Variants in CENPI observed in about 807,000 individuals in gnomAD.
CENPI encodes the protein FSH primary response 1.
CENPI carries 4 observed loss-of-function variants against 60.4 expected under a neutral mutation model. The observed-to-expected ratio is 0.07, with a 90% CI of 0.03 to 0.15. CENPI has a LOEUF of 0.15. Ranked by LOEUF, CENPI falls within the 10% of genes least tolerant of loss-of-function variation. CENPI has a pLI of 1.00. For synonymous variants in CENPI, 157 were observed against 189.4 expected, an observed-to-expected ratio of 0.83 and a Z score of 1.40; for missense variants, 444 against 534.5, an observed-to-expected ratio of 0.83 and a Z score of 1.67.
intron 4 of CENPI, among the ~76,000 whole-genome samples, chrX:101,108,950 G>A (rs2089519297): frequency 6.3e-5 from 7 of 110,583 alleles, no homozygotes; most frequent in Admixed American, 5.9e-4. Context: ...CCTAACTATT[G>A]CCTTATTGTA....
the CENPI span, among the ~76,000 whole-genome samples, chrX:101,172,506 A>T: frequency 3.8e-4 from 42 of 111,620 alleles, 1 homozygote; most frequent in East Asian, 0.01. Flanking sequence ...CCTCAAAGAC[A>T]CTATGCTATA....
intron 20 of CENPI, among the ~76,000 whole-genome samples, chrX:101,154,804 G>A (rs2090038449): frequency 9.0e-6 from 1 of 110,996 alleles, no homozygotes; most frequent in Admixed American, 9.7e-5. Context: ...TTATTCCTAA[G>A]TACTGTGTTT....
At chrX:101,116,739 G>A (rs1045227660) in intron 6 of CENPI, among the ~76,000 whole-genome samples, 1 of 111,428 alleles carries the variant, frequency 9.0e-6, no homozygotes, top group Non-Finnish European at 1.9e-5. Context: ...TCTATGTTCA[G>A]CTTTTTGAGG....
rs2089668386 is a variant in CENPI, at chrX:101,120,718, C to CT, written c.641-17dup. On this transcript the variant is annotated intron_variant, in intron 7 of 21. Coordinates refer to ENST00000682095, the MANE Select transcript of CENPI (RefSeq NM_001386188.2). Reference sequence around the variant, plus strand: ...TTCTGAATCCAAATGCATAGTACGTCTTTCCTTTATGTTTTCTAGTCAAAC... The same window carrying CT: ...TTCTGAATCCAAATGCATAGTACGTCTTTTCCTTTATGTTTTCTAGTCAAAC... 2 of 1,198,923 alleles carry CT rather than the reference C, an allele frequency of 1.7e-6. No homozygotes were observed. The highest frequency in any genetic ancestry group is 2.3e-6 in the Non-Finnish European group (2 of 886,652).
chrX:101,107,672 A>AT (rs2089499204), intron 4 of CENPI, among the ~76,000 whole-genome samples: 1 of 100,747 alleles, frequency 9.9e-6, no homozygotes, highest in Non-Finnish European at 2.0e-5. Context: ...TCATTGTTTT[A>AT]TTTTTTTATT....
At chrX:101,179,989 C>G in the CENPI span, among the ~76,000 whole-genome samples, 1 of 112,112 alleles carries the variant, frequency 8.9e-6, no homozygotes, top group Non-Finnish European at 1.9e-5. Context: ...TCCTTGCCAA[C>G]TATTATTTTT....
chrX:101,107,877 A>C (rs1602765456), intron 4 of CENPI, among the ~76,000 whole-genome samples: 1 of 88,392 alleles, frequency 1.1e-5, no homozygotes, highest in Admixed American at 1.4e-4. Context: ...TGCTCTTGTC[A>C]CCTGGGCTGG....
At chrX:101,173,807 C>T in the CENPI span, among the ~76,000 whole-genome samples, 1 of 110,007 alleles carries the variant, frequency 9.1e-6, no homozygotes, top group Non-Finnish European at 1.9e-5. Context: ...TTATAAAAAA[C>T]CTACCAATCA....
chrX:101,120,753 T>G lies in CENPI; in HGVS notation c.656T>G (p.Val219Gly). Residue 219 changes from valine (V) to glycine (G), a missense_variant, in exon 8 of 22, where the codon GTG becomes GGG. Physicochemically the swap from Val to Gly is moderately radical, Grantham distance 109. Coordinates refer to ENST00000682095, the MANE Select transcript of CENPI (RefSeq NM_001386188.2). Reference sequence around the variant, plus strand: ...TGTTTTCTAGTCAAACCATTTCGTGTGAGAAAACTGCTTGATCTTCAGGCC... The same window carrying G: ...TGTTTTCTAGTCAAACCATTTCGTGGGAGAAAACTGCTTGATCTTCAGGCC... ...TKKENVKPFRVRKLLDLQAKM... is the reference protein window; with the variant it reads ...TKKENVKPFRGRKLLDLQAKM... The G allele has an allele frequency of 8.3e-7, 1 of 1,209,491 alleles. No individual in the cohort carries two copies. The highest frequency in any genetic ancestry group is 1.1e-6 in the Non-Finnish European group (1 of 893,711).
intron 6 of CENPI, among the ~76,000 whole-genome samples, 160 bp from the exon 7 acceptor site, chrX:101,120,242 T>C (rs2089663152): frequency 8.9e-6 from 1 of 111,990 alleles, no homozygotes; most frequent in South Asian, 3.7e-4. Flanking sequence ...TTTTTATCAC[T>C]ATACAGTAGG....
intron 6 of CENPI, among the ~76,000 whole-genome samples, chrX:101,112,120 G>C (rs1004421713): frequency 8.9e-6 from 1 of 112,179 alleles, no homozygotes; most frequent in Non-Finnish European, 1.9e-5. Flanking sequence ...AAACAGTCCT[G>C]TTATTTCAAA....
At chrX:101,113,982 A>C (rs67685726) in intron 6 of CENPI, among the ~76,000 whole-genome samples, 31,282 of 110,878 alleles carry the variant, frequency 0.28, 3,347 homozygotes, top group African/African-American at 0.36. Flanking sequence ...TTAGGCCAGG[A>C]GTGGTGGCTC....
intron 6 of CENPI, among the ~76,000 whole-genome samples, chrX:101,112,412 A>G (rs2089564795): frequency 8.9e-6 from 1 of 112,203 alleles, no homozygotes; most frequent in Admixed American, 9.6e-5. Context: ...TCCATTTAAA[A>G]TACAAGATAC....
intron 8 of CENPI, among the ~76,000 whole-genome samples, chrX:101,124,090 AGTGTGTGTGTGT>A (rs397842781): frequency 0.012 from 1,092 of 88,237 alleles, 18 homozygotes; most frequent in East Asian, 0.049. Flanking sequence ...TATAGAATCA[AGTGTGTGTGTGT>A]GTGTGTGTGT....
In CENPI at chrX:101,140,671, T is replaced by C. The variant is rs373565266; in HGVS notation, c.1476T>C (p.Ser492=). The C allele has an allele frequency of 9.3e-6, 11 of 1,180,603 alleles. No homozygotes were observed. The highest frequency in any genetic ancestry group is 1.3e-5 in the Non-Finnish European group (11 of 868,974). The change falls in exon 16 of 22, where the codon AGT becomes AGC. Residue 492 remains serine (S), a synonymous_variant. Coordinates refer to ENST00000682095, the MANE Select transcript of CENPI (RefSeq NM_001386188.2). Reference sequence around the variant, plus strand: ...TTTCATTTTGTCCCCCTCAGTGTAGTGTGCTTCAGAGTCTGAAAGAGCTAT... The same window carrying C: ...TTTCATTTTGTCCCCCTCAGTGTAGCGTGCTTCAGAGTCTGAAAGAGCTAT... ...FFTSTIYFKC[S]VLQSLKELLQ...
At chrX:101,166,157 C>CT (rs1292430155), downstream of CENPI, among the ~76,000 whole-genome samples, 8 of 107,843 alleles carry the variant, frequency 7.4e-5, no homozygotes, top group South Asian at 3.9e-4. Context: ...TCTCTTTTAA[C>CT]TTTTTTTTTT....
intron 8 of CENPI, among the ~76,000 whole-genome samples, chrX:101,121,662 A>T (rs1457191254): frequency 1.8e-5 from 2 of 110,784 alleles, no homozygotes; most frequent in Non-Finnish European, 3.8e-5. Flanking sequence ...TTCCTCCCAG[A>T]GGGAACAGCA....
downstream of CENPI, among the ~76,000 whole-genome samples, chrX:101,171,124 G>A (rs1008251349): frequency 3.6e-5 from 4 of 111,732 alleles, no homozygotes; most frequent in African/African-American, 1.3e-4. Flanking sequence ...TATTAATCAA[G>A]ACAGTGTGAT....
At chrX:101,154,664 T>A (rs974278446) in intron 20 of CENPI, among the ~76,000 whole-genome samples, 1 of 111,978 alleles carries the variant, frequency 8.9e-6, no homozygotes, top group Non-Finnish European at 1.9e-5. Flanking sequence ...TGGGTAGTAT[T>A]GCCATCTTAA....
Sources: gnomAD v4.1 joint callset for allele counts (sites outside exome capture counted in the v4.1 genomes callset) on GRCh38, gnomAD v4.1.1 for gene constraint, MANE v1.5 for transcripts, NCBI Gene and HGNC (gene_info 2026-07-23, HGNC 2026-07-21) for gene names.